DLG2: variants seen among roughly 807,000 people sequenced by gnomAD.
DLG2 encodes the protein disks large homolog 2.
In DLG2, 45 loss-of-function variants were observed where a neutral mutation model predicts 132.5. The observed-to-expected ratio is 0.34, with a 90% confidence interval of 0.27 to 0.44. The LOEUF (loss-of-function observed/expected upper bound fraction) is 0.44, where lower values mean the gene tolerates loss of function less well. Among genes scored for constraint, DLG2 ranks in the 20% least tolerant of loss-of-function variants. The pLI is 1.00. For missense variants in DLG2, 1,045 were observed against 1,196.9 expected, an observed-to-expected ratio of 0.87 and a Z score of 1.87; for synonymous variants, 424 against 419.6, an observed-to-expected ratio of 1.01 and a Z score of -0.13.
At chr11:84,581,912 C>CAAAAAAAAAAAAAAAA (rs780759635) in intron 6 of DLG2, among the ~76,000 whole-genome samples, 3 of 64,954 alleles carry the variant, frequency 4.6e-5, no homozygotes, top group Non-Finnish European at 6.5e-5. Context: ...TCTCAAAAAC[C>CAAAAAAAAAAAAAAAA]AAAAAAAAAA....
In DLG2 at chr11:84,373,267, AAAC is replaced by A. The variant is rs1311929129; in HGVS notation, c.520-121979_520-121977del. ...AAACAGTCAAAAAAAAAAAAAAACA[AAAC>A]AAAAAAAAAACCCACCAGGCCCGGC... is the stretch of plus-strand genomic sequence containing the variant. On this transcript the variant is annotated intron_variant, in intron 7 of 27. Coordinates refer to ENST00000376104, the MANE Select transcript of DLG2 (RefSeq NM_001142699.3). Among the ~76,000 whole-genome samples the A allele has an allele frequency of 6.7e-3, 936 of 139,250 alleles. 48 individuals are homozygous for A. The highest frequency in any genetic ancestry group is 0.024 in the African/African-American group (861 of 36,072). The allele number at this position is 139,250 out of a possible 152,430, so 91.4% of individuals were successfully genotyped here.
chr11:85,451,719 G>A (rs2092251899), intron 3 of DLG2, among the ~76,000 whole-genome samples: 1 of 152,096 alleles, frequency 6.6e-6, no homozygotes, highest in South Asian at 2.1e-4. Flanking sequence ...TAAGCCCCCA[G>A]TACATTCTTT....
At chr11:84,729,427 A>G (rs1157008094) in intron 6 of DLG2, among the ~76,000 whole-genome samples, 2 of 152,088 alleles carry the variant, frequency 1.3e-5, no homozygotes, top group Non-Finnish European at 2.9e-5. Flanking sequence ...ATTTGATTGC[A>G]CTGTGGTCCG....
intron 6 of DLG2, among the ~76,000 whole-genome samples, chr11:84,805,336 T>C (rs577778015): frequency 2.0e-5 from 3 of 151,980 alleles, no homozygotes; most frequent in African/African-American, 7.2e-5. Flanking sequence ...ATGTACAGAA[T>C]TACATAGAAA....
chr11:85,569,139 C>G (rs1434289324), intron 3 of DLG2, among the ~76,000 whole-genome samples: 1 of 152,214 alleles, frequency 6.6e-6, no homozygotes. Context: ...TTGAGCAATT[C>G]TCCTTCCTCA....
At chr11:85,396,945 T>G (rs916497867) in intron 3 of DLG2, among the ~76,000 whole-genome samples, 10 of 152,106 alleles carry the variant, frequency 6.6e-5, no homozygotes, top group African/African-American at 2.2e-4. Flanking sequence ...AAGATACTCC[T>G]CGAGAAGAGC....
At chr11:83,972,737 C>T (rs1319426508) in intron 12 of DLG2, among the ~76,000 whole-genome samples, 1 of 152,118 alleles carries the variant, frequency 6.6e-6, no homozygotes, top group East Asian at 1.9e-4. Flanking sequence ...TTCTATTTTA[C>T]ATTTGTGTTG....
chr11:84,889,280 G>C (rs2088897919), intron 6 of DLG2, among the ~76,000 whole-genome samples: 1 of 152,116 alleles, frequency 6.6e-6, no homozygotes, highest in African/African-American at 2.4e-5. Flanking sequence ...ATAGCAAATA[G>C]AATAAACAGT....
At chr11:84,564,475 G>A (rs2099442232) in intron 6 of DLG2, among the ~76,000 whole-genome samples, 1 of 152,168 alleles carries the variant, frequency 6.6e-6, no homozygotes, top group Admixed American at 6.5e-5. Context: ...GAGACTGCAA[G>A]GCAGGGGGGT....
intron 18 of DLG2, among the ~76,000 whole-genome samples, chr11:83,708,322 A>G (rs1230996128): frequency 2.0e-5 from 3 of 152,216 alleles, no homozygotes; most frequent in East Asian, 3.8e-4. Context: ...CAGATAAAAA[A>G]CAATGAGCCA....
At chr11:83,871,105 T>G (rs537978026) in intron 16 of DLG2, among the ~76,000 whole-genome samples, 59 of 152,358 alleles carry the variant, frequency 3.9e-4, no homozygotes, top group African/African-American at 1.4e-3. Context: ...CCTTGATCAC[T>G]AGGAGACTGT....
intron 3 of DLG2, among the ~76,000 whole-genome samples, chr11:85,513,343 A>C (rs1263854301): frequency 6.6e-6 from 1 of 152,028 alleles, no homozygotes; most frequent in Non-Finnish European, 1.5e-5. Context: ...AATCTAAAGA[A>C]ATTTTAAAAA....
chr11:84,869,373 G>A (rs137946332), intron 6 of DLG2, among the ~76,000 whole-genome samples: 1 of 152,262 alleles, frequency 6.6e-6, no homozygotes, highest in Non-Finnish European at 1.5e-5. Flanking sequence ...GCCTTTTACT[G>A]CCTTCACATG....
At chr11:83,653,106 C>T (rs2071134081) in intron 18 of DLG2, among the ~76,000 whole-genome samples, 1 of 152,174 alleles carries the variant, frequency 6.6e-6, no homozygotes, top group Admixed American at 6.6e-5. Flanking sequence ...TTCATGTACA[C>T]AAAATGACTG....
chr11:85,550,605 G>T (rs2076609434), intron 3 of DLG2, among the ~76,000 whole-genome samples: 1 of 152,232 alleles, frequency 6.6e-6, no homozygotes, highest in South Asian at 2.1e-4. Flanking sequence ...GCTGAGTAAA[G>T]GAGGCACCCA....
At chr11:85,482,014 C>T (rs912013531) in intron 3 of DLG2, among the ~76,000 whole-genome samples, 3 of 152,040 alleles carry the variant, frequency 2.0e-5, no homozygotes, top group Non-Finnish European at 4.4e-5. Context: ...CCCAGAGGCC[C>T]CAAGCTCCAG....
At chr11:84,240,206 A>T (rs1162828009) in intron 8 of DLG2, among the ~76,000 whole-genome samples, 2 of 152,130 alleles carry the variant, frequency 1.3e-5, no homozygotes, top group Non-Finnish European at 2.9e-5. Context: ...TGCAAGGGCA[A>T]CCCCCAAGGG....
At chr11:84,113,402 G>A (rs1160557066) in intron 9 of DLG2, among the ~76,000 whole-genome samples, 1 of 152,110 alleles carries the variant, frequency 6.6e-6, no homozygotes, top group African/African-American at 2.4e-5. Flanking sequence ...AAGAATGACT[G>A]ACATACAAAC....
intron 3 of DLG2, among the ~76,000 whole-genome samples, chr11:85,543,760 T>C (rs1327493102): frequency 2.0e-5 from 3 of 152,258 alleles, no homozygotes; most frequent in African/African-American, 7.2e-5. Context: ...TTTTCTCATA[T>C]GTTTGTCGTC....
Sources: allele counts gnomAD v4.1 joint callset (sites outside exome capture counted in the v4.1 genomes callset), GRCh38; gene constraint gnomAD v4.1.1; transcripts MANE v1.5; gene names NCBI Gene and HGNC (gene_info 2026-07-23, HGNC 2026-07-21).